The following PIGS variants were observed in gnomAD, a reference collection of about 807,000 sequenced individuals.
PIGS encodes phosphatidylinositol glycan anchor biosynthesis class S, also known as GPI-anchor transamidase component PIGS.
PIGS carries 37 observed loss-of-function variants against 58.2 expected under a neutral mutation model. The observed-to-expected ratio is 0.64, with a 90% CI of 0.49 to 0.84. The LOEUF is 0.84. PIGS is among the 40% of genes least tolerant of loss of function. The pLI is 0.00. For missense variants in PIGS, 629 were observed against 710.8 expected, an observed-to-expected ratio of 0.88 and a Z score of 1.31; for synonymous variants, 269 against 289.2, an observed-to-expected ratio of 0.93 and a Z score of 0.71.
chr17:28,556,322 C>A (rs1235810194), intron 9 of PIGS, 56 bp from the exon 10 acceptor site: 2 of 1,310,796 alleles, frequency 1.5e-6, no homozygotes, highest in African/African-American at 2.9e-5. Flanking sequence ...CACAGCTCTG[C>A]CCTAGGCACT....
chr17:28,558,408 C>T (rs1182415648), intron 8 of PIGS, 68 bp downstream of exon 8: 4 of 1,312,164 alleles, frequency 3.0e-6, no homozygotes, highest in Non-Finnish European at 3.2e-6. Flanking sequence ...TGTCCCCTAC[C>T]CAGCTGAGCC....
In PIGS at chr17:28,570,394, C is replaced by A. The variant is rs192603681; in HGVS notation, c.286+458G>T. Among the ~76,000 whole-genome samples the A allele has an allele frequency of 2.0e-5, 3 of 152,286 alleles. No homozygotes were observed. The East Asian group carries it at 5.8e-4, about 29-fold the overall frequency. On this transcript the variant is annotated intron_variant, in intron 3 of 11. Transcript: ENST00000308360. Reference sequence around the variant, plus strand: ...GGCGTAGTGTCGCGCGCCTGTAATCCCAGCTACTCGGGTGGCTGGTGCAGA... The same window carrying A: ...GGCGTAGTGTCGCGCGCCTGTAATCACAGCTACTCGGGTGGCTGGTGCAGA...
At chr17:28,568,898 C>A (rs2070409586) in intron 3 of PIGS, among the ~76,000 whole-genome samples, 1 of 151,902 alleles carries the variant, frequency 6.6e-6, no homozygotes, top group Non-Finnish European at 1.5e-5. Flanking sequence ...GAGTTTGAGA[C>A]CAGCCTAGCC....
intron 3 of PIGS, among the ~76,000 whole-genome samples, chr17:28,565,619 G>C (rs1438934361): frequency 1.3e-5 from 2 of 152,190 alleles, no homozygotes; most frequent in Non-Finnish European, 2.9e-5. Flanking sequence ...GCCAGGTGTG[G>C]TGGCTGATGC....
At position 28,555,005 on chromosome 17, in the gene PIGS, G is replaced by A; in HGVS notation, c.1238C>T (p.Pro413Leu). 1 of 1,610,836 alleles carries A rather than the reference G, an allele frequency of 6.2e-7. No homozygotes were observed. Among genetic ancestry groups the A allele is most frequent in the Non-Finnish European group, 8.5e-7 (1 of 1,178,368 alleles). The change falls in exon 11 of 12, where the codon CCT becomes CTT. Residue 413 changes from proline to leucine, a missense_variant. Coordinates refer to ENST00000308360, the MANE Select transcript of PIGS (RefSeq NM_033198.4). Reference sequence around the variant, plus strand: ...CCAGGTCATTAGCCCTTCACTCGTAGGCCCTGAAAGCAGGCATTTTGGAGG... The same window carrying A: ...CCAGGTCATTAGCCCTTCACTCGTAAGCCCTGAAAGCAGGCATTTTGGAGG... ...QLPPKCLLSG[P>L]TSEGLMTWEL...
At chr17:28,566,694 A>G (rs943893619) in intron 3 of PIGS, among the ~76,000 whole-genome samples, 1 of 151,728 alleles carries the variant, frequency 6.6e-6, no homozygotes, top group Non-Finnish European at 1.5e-5. Context: ...CCTAGGTTCA[A>G]GCAATTCTCC....
chr17:28,555,906 T>C (rs1479487766), intron 10 of PIGS: 3 of 347,380 alleles, frequency 8.6e-6, no homozygotes, highest in Non-Finnish European at 1.1e-5. Flanking sequence ...GAGGTGGAGG[T>C]TGCAGTGAGC....
At chr17:28,571,224 C>G (rs2070426906) in intron 1 of PIGS, 36 bp from the exon 2 acceptor site, 1 of 1,603,888 alleles carries the variant, frequency 6.2e-7, no homozygotes, top group Non-Finnish European at 8.5e-7. Context: ...GCGCTGGAAA[C>G]GGGCTAGGGT....
intron 8 of PIGS, 89 bp from the exon 9 acceptor site, chr17:28,557,061 C>T: frequency 7.1e-7 from 1 of 1,403,228 alleles, no homozygotes; most frequent in South Asian, 1.2e-5. Flanking sequence ...GTCACTCACT[C>T]TGGGACTGAT....
intron 6 of PIGS, 171 bp from the exon 7 acceptor site, chr17:28,560,362 T>C: frequency 2.7e-6 from 2 of 731,322 alleles, no homozygotes; most frequent in Non-Finnish European, 4.3e-6. Flanking sequence ...AAGAAAAAGC[T>C]GCCGGGCGCT....
At position 28,561,429 on chromosome 17, in the gene PIGS, G is replaced by A; in HGVS notation, c.669C>T (p.Ser223=). The change falls in exon 6 of 12, where the codon TCC becomes TCT. Residue 223 remains serine, a synonymous_variant. Coordinates refer to ENST00000308360, the MANE Select transcript of PIGS (RefSeq NM_033198.4). ...WSAEKRRPLK[S]SLGYEITFSL... ...CAGAGCCTGGTGCCCTACCCAAGCTGGACTTGAGAGGCCGCCTCTTCTCAG... is the reference window on the plus strand; with the variant it reads ...CAGAGCCTGGTGCCCTACCCAAGCTAGACTTGAGAGGCCGCCTCTTCTCAG... 3 of 1,613,932 alleles carry A rather than the reference G, an allele frequency of 1.9e-6. No individual in the cohort carries two copies. Among genetic ancestry groups the A allele is most frequent in the Non-Finnish European group, 2.5e-6 (3 of 1,179,904 alleles).
Position 28,560,148 on chromosome 17 carries a change from G to C in PIGS, c.720C>G (p.Ser240=). ...CCTCAATGTCCCAGTAGACATCATG[G>C]GACTTGGGGTCTGGGTTGAGTAAAC... ...TFSLLNPDPK[S]HDVYWDIEGA... Residue 240 remains serine, a synonymous_variant, in exon 7 of 12, where the codon TCC becomes TCG. Transcript: ENST00000308360. The C allele has an allele frequency of 1.1e-5, 18 of 1,612,864 alleles. No homozygotes were observed. The highest frequency in any genetic ancestry group is 1.5e-5 in the Non-Finnish European group (18 of 1,179,502).
chr17:28,555,112 G>T (rs1160037668), intron 10 of PIGS, 51 bp from the exon 11 acceptor site: 1 of 1,468,136 alleles, frequency 6.8e-7, no homozygotes, highest in South Asian at 1.2e-5. Flanking sequence ...CAAGGCGGGA[G>T]ATCATGGCTA....
Position 28,556,690 on chromosome 17 carries a change from T to A in PIGS, c.1080+137A>T. 3 of 1,187,982 alleles carry A rather than the reference T, an allele frequency of 2.5e-6. No homozygotes were observed. The South Asian group carries it at 4.7e-5, about 18-fold the overall frequency. The allele number at this position is 1,187,982 out of a possible 1,614,324, so 73.6% of individuals were successfully genotyped here. A position where few individuals can be genotyped will look rare whatever the true frequency, so the allele number is the denominator to read the frequency against. On this transcript the variant is annotated intron_variant, in intron 9 of 11. Coordinates refer to ENST00000308360, the MANE Select transcript of PIGS (RefSeq NM_033198.4). ...AGAGGGGCATGAGCACATAGCACCC[T>A]CACCTTCCTGGTGCCTGCCCCTCCC... is the stretch of plus-strand genomic sequence containing the variant.
intron 3 of PIGS, among the ~76,000 whole-genome samples, chr17:28,568,213 C>T (rs2070404765): frequency 6.6e-6 from 1 of 152,088 alleles, no homozygotes; most frequent in Non-Finnish European, 1.5e-5. Flanking sequence ...AGCGATTCTC[C>T]TGCCTCAGCC....
chr17:28,561,423 C>CA lies in PIGS; in HGVS notation c.674dup (p.Leu225PhefsTer4). On this transcript the variant is annotated frameshift_variant and splice_region_variant, in exon 6 of 12. Transcript: ENST00000308360. LOFTEE classifies it high-confidence loss of function. The stretch of plus-strand genomic sequence containing the variant: ...ATGTGGCAGAGCCTGGTGCCCTACC[C>CA]AAGCTGGACTTGAGAGGCCGCCTCT... 1.9e-6 allele frequency: 3 copies of CA among 1,613,888 alleles called. No homozygotes were observed. Among genetic ancestry groups the CA allele is most frequent in the Non-Finnish European group, 2.5e-6 (3 of 1,179,882 alleles).
rs1435319752 is a variant in PIGS, at chr17:28,558,709, A to G, written c.820-119T>C. ...GGACAAGGCAACATATAAGAGACAA[A>G]ATCAGGGCTGAGAGAAAATAATTGC... On this transcript the variant is annotated intron_variant, in intron 7 of 11. Coordinates refer to ENST00000308360, the MANE Select transcript of PIGS (RefSeq NM_033198.4). 1.9e-5 allele frequency: 14 copies of G among 736,444 alleles called. No individual in the cohort carries two copies. In the Admixed American group the frequency reaches 4.1e-4, roughly 21 times the overall value. 45.6% of individuals were successfully genotyped at this position (736,444 alleles called of 1,614,324 possible). A position where few individuals can be genotyped will look rare whatever the true frequency, so the allele number is the denominator to read the frequency against.
At chr17:28,563,387 A>G (rs1252846873) in intron 5 of PIGS, 44 bp downstream of exon 5, 1 of 1,496,518 alleles carries the variant, frequency 6.7e-7, no homozygotes, top group African/African-American at 1.4e-5. Flanking sequence ...GGAGTCCACG[A>G]GCTGAAGGGA....
chr17:28,566,633 T>C (rs1350562754), intron 3 of PIGS, among the ~76,000 whole-genome samples: 1 of 145,156 alleles, frequency 6.9e-6, no homozygotes, highest in East Asian at 2.0e-4. Context: ...TCGTTCTGTC[T>C]CCCAGGCTGG....
Sources: allele counts gnomAD v4.1 joint callset (sites outside exome capture counted in the v4.1 genomes callset), GRCh38; gene constraint gnomAD v4.1.1; transcripts MANE v1.5; gene names NCBI Gene and HGNC (gene_info 2026-07-23, HGNC 2026-07-21).